ASTN2: variants seen among roughly 807,000 people sequenced by gnomAD.
ASTN2 encodes the protein astrotactin-2.
In ASTN2, 54 loss-of-function variants were observed where a neutral mutation model predicts 139.8. That is an observed-to-expected ratio of 0.39 (90% CI 0.31 to 0.48). The LOEUF is 0.48. ASTN2 is among the 20% of genes least tolerant of loss of function. ASTN2 has a pLI of 0.95. For missense variants in ASTN2, 1,565 were observed against 1,725.1 expected (o/e 0.91, Z 1.64); for synonymous variants, 756 against 719.5 (o/e 1.05, Z -0.81).
chr9:116,455,390 G>A (rs996162588), intron 20 of ASTN2, among the ~76,000 whole-genome samples: 4 of 151,146 alleles, frequency 2.6e-5, no homozygotes, highest in Middle Eastern at 3.4e-3. Context: ...AACAGTTTAC[G>A]GTAGGAAGTA....
intron 2 of ASTN2, among the ~76,000 whole-genome samples, chr9:117,266,277 C>T (rs1368277226): frequency 6.6e-6 from 1 of 152,070 alleles, no homozygotes; most frequent in African/African-American, 2.4e-5. Flanking sequence ...ATAAGCACGC[C>T]TACAAAGCAA....
At chr9:116,664,223 G>A (rs1227187281) in intron 16 of ASTN2, among the ~76,000 whole-genome samples, 1 of 151,882 alleles carries the variant, frequency 6.6e-6, no homozygotes, top group African/African-American at 2.4e-5. Flanking sequence ...AAAAAGGAAA[G>A]TGCAGAACAG....
chr9:116,857,892 T>A (rs1832779821), intron 11 of ASTN2, among the ~76,000 whole-genome samples: 1 of 152,188 alleles, frequency 6.6e-6, no homozygotes, highest in Non-Finnish European at 1.5e-5. Flanking sequence ...GTTCTGAGAC[T>A]TCTGAGGCTG....
At chr9:117,043,200 G>A (rs1375070127) in intron 5 of ASTN2, among the ~76,000 whole-genome samples, 1 of 152,000 alleles carries the variant, frequency 6.6e-6, no homozygotes, top group Non-Finnish European at 1.5e-5. Context: ...AGATTTTATG[G>A]AGTCTATTCT....
chr9:116,752,455 T>G (rs1829425305), intron 13 of ASTN2, among the ~76,000 whole-genome samples: 1 of 152,182 alleles, frequency 6.6e-6, no homozygotes, highest in South Asian at 2.1e-4. Flanking sequence ...GAGAAAAATT[T>G]TAGTAACCTT....
intron 10 of ASTN2, among the ~76,000 whole-genome samples, chr9:116,925,754 A>T (rs1322088947): frequency 6.6e-6 from 1 of 152,194 alleles, no homozygotes; most frequent in Admixed American, 6.5e-5. Flanking sequence ...AATTTAAAAA[A>T]TTATTAAGAA....
intron 16 of ASTN2, among the ~76,000 whole-genome samples, chr9:116,680,212 A>T (rs1368431718): frequency 1.3e-5 from 2 of 152,224 alleles, no homozygotes; most frequent in Admixed American, 6.5e-5. Flanking sequence ...ATCCCACGGA[A>T]ATACAAACTA....
chr9:116,492,021 T>C (rs1056898388), intron 19 of ASTN2, among the ~76,000 whole-genome samples: 5 of 152,122 alleles, frequency 3.3e-5, no homozygotes, highest in East Asian at 1.9e-4. Flanking sequence ...TATAAAATAC[T>C]GTATACTGGA....
intron 10 of ASTN2, among the ~76,000 whole-genome samples, chr9:116,963,782 G>C (rs959633909): frequency 2.6e-5 from 4 of 152,182 alleles, no homozygotes; most frequent in African/African-American, 9.7e-5. Context: ...TTTGTAGTTG[G>C]CTTCTCACTG....
At chr9:117,383,849 C>G (rs769064573) in intron 1 of ASTN2, among the ~76,000 whole-genome samples, 1 of 152,166 alleles carries the variant, frequency 6.6e-6, no homozygotes, top group Non-Finnish European at 1.5e-5. Context: ...AGATTTGTTA[C>G]GCTCAGCTCC....
chr9:117,381,566 T>C lies in ASTN2; in HGVS notation c.442+32931A>G, dbSNP rs912407686. Among the ~76,000 whole-genome samples the C allele has an allele frequency of 5.3e-5, 8 of 152,242 alleles. No individual in the cohort carries two copies. In the East Asian group the frequency reaches 5.8e-4, roughly 11 times the overall value. The stretch of plus-strand genomic sequence containing the variant: ...CCATTTTCTCTCTTGCTCCTGCTTT[T>C]GCCATATTAAGAAGCCTGCTCTTGC... On this transcript the variant is annotated intron_variant, in intron 1 of 22. Transcript: ENST00000313400.
intron 1 of ASTN2, among the ~76,000 whole-genome samples, chr9:117,375,278 C>T (rs1830092813): frequency 6.6e-6 from 1 of 152,198 alleles, no homozygotes; most frequent in Non-Finnish European, 1.5e-5. Context: ...GGAAGGTCAT[C>T]ATCCTTCACA....
At chr9:117,008,992 A>G (rs914990232) in intron 6 of ASTN2, among the ~76,000 whole-genome samples, 1 of 152,170 alleles carries the variant, frequency 6.6e-6, no homozygotes, top group African/African-American at 2.4e-5. Context: ...AGCAGCACTC[A>G]CCCAAGAAAA....
intron 16 of ASTN2, among the ~76,000 whole-genome samples, chr9:116,668,487 C>T (rs753709220): frequency 5.3e-5 from 8 of 152,172 alleles, no homozygotes; most frequent in Non-Finnish European, 1.0e-4. Flanking sequence ...CCACCATGCC[C>T]GGCCGCCTTC....
At chr9:116,623,147 CTGTGTGTGTGTGTGTG>C (rs10527124) in intron 17 of ASTN2, among the ~76,000 whole-genome samples, 5,680 of 137,164 alleles carry the variant, frequency 0.041, 422 homozygotes, top group African/African-American at 0.15. Flanking sequence ...AGAGCATACT[CTGTGTGTGTGTGTGTG>C]TGTGTGTGTG....
chr9:117,383,408 G>T (rs1830319757), intron 1 of ASTN2, among the ~76,000 whole-genome samples: 1 of 152,156 alleles, frequency 6.6e-6, no homozygotes, highest in African/African-American at 2.4e-5. Context: ...TGATAGAAAT[G>T]TTCTCAGTTA....
intron 4 of ASTN2, among the ~76,000 whole-genome samples, chr9:117,125,772 T>A (rs1318141955): frequency 6.6e-6 from 1 of 151,480 alleles, no homozygotes; most frequent in Non-Finnish European, 1.5e-5. Flanking sequence ...TCAGCAGAAC[T>A]GTCAGGCGGC....
intron 2 of ASTN2, among the ~76,000 whole-genome samples, chr9:117,216,154 G>T (rs529210183): frequency 4.7e-4 from 71 of 152,238 alleles, no homozygotes; most frequent in Admixed American, 7.8e-4. Flanking sequence ...TTATCTTAGG[G>T]GCAAAGGTGG....
At chr9:116,623,395 G>A (rs1169022663) in intron 17 of ASTN2, among the ~76,000 whole-genome samples, 1 of 152,076 alleles carries the variant, frequency 6.6e-6, no homozygotes, top group East Asian at 1.9e-4. Flanking sequence ...GGCAAACACT[G>A]GTTAGAACAC....
Sources: gnomAD v4.1 joint callset for allele counts (sites outside exome capture counted in the v4.1 genomes callset) on GRCh38, gnomAD v4.1.1 for gene constraint, MANE v1.5 for transcripts, NCBI Gene and HGNC (gene_info 2026-07-23, HGNC 2026-07-21) for gene names.